PSMC1: variants seen among roughly 807,000 people sequenced by gnomAD.
PSMC1 encodes 26S proteasome regulatory subunit 4.
In PSMC1, 5 loss-of-function variants were observed where a neutral mutation model predicts 49.8. The ratio of observed to expected loss-of-function variants is 0.10; its 90% CI spans 0.05 to 0.21. PSMC1 has a LOEUF of 0.21. PSMC1 is among the 10% of genes least tolerant of loss of function. The probability of loss-of-function intolerance (pLI) is 1.00; values close to 1 mark genes in which losing one functional copy is unlikely to be tolerated. For missense variants in PSMC1, 181 were observed against 535.7 expected, an observed-to-expected ratio of 0.34 and a Z score of 6.54; for synonymous variants, 155 against 192.1, an observed-to-expected ratio of 0.81 and a Z score of 1.60.
intron 4 of PSMC1, 46 bp downstream of exon 4, chr14:90,263,488 C>T (rs369205963): frequency 6.6e-7 from 1 of 1,518,566 alleles, no homozygotes; most frequent in South Asian, 1.2e-5. Flanking sequence ...AAATTGAATT[C>T]TATAAAATTG....
Position 90,265,177 on chromosome 14 carries a change from T to G in PSMC1, c.691+11T>G. On this transcript the variant is annotated intron_variant, in intron 7 of 10. Transcript: ENST00000261303. ...GTCCACCTGGCACAGGTATGCTCTG[T>G]TTTTGACACTTTCCAGGCACCCAGC... is the stretch of plus-strand genomic sequence containing the variant. 1 of 1,583,314 alleles carries G rather than the reference T, an allele frequency of 6.3e-7. No individual in the cohort carries two copies. Among genetic ancestry groups the G allele is most frequent in the Non-Finnish European group, 8.6e-7 (1 of 1,156,214 alleles).
rs1891768392 is a variant in PSMC1 at position 90,274,840 on chromosome 14, C to CA, written c.*2433_*2434insA. 15 of 110,152 alleles carry CA rather than the reference C, an allele frequency of 1.4e-4. No homozygotes were observed. Among genetic ancestry groups the CA allele is most frequent in the African/African-American group, 4.5e-4 (13 of 28,680 alleles). The allele number at this position is 110,152 out of a possible 1,614,324, so 6.8% of individuals were successfully genotyped here. A position where few individuals can be genotyped will look rare whatever the true frequency, so the allele number is the denominator to read the frequency against. ...CACACACACACACACACACACACAC[C>CA]CCAATACATATGAATTGATCTGAAA... On this transcript the variant is annotated 3_prime_UTR_variant, in exon 11 of 11. Coordinates refer to ENST00000261303, the MANE Select transcript of PSMC1 (RefSeq NM_002802.3).
In PSMC1 at chr14:90,257,480, C is replaced by CAGAT. The variant is rs377140863; in HGVS notation, c.3+881_3+884dup. On this transcript the variant is annotated intron_variant, in intron 1 of 10. Coordinates refer to ENST00000261303, the MANE Select transcript of PSMC1 (RefSeq NM_002802.3). ...ACCGAAATTGAGGGAGTAACCCCTG[C>CAGAT]AGATGTCTGAGGGAAATGTGGTCAA... Among the ~76,000 whole-genome samples the CAGAT allele has an allele frequency of 6.6e-3, 1,004 of 152,234 alleles. 3 individuals carry two copies. Among genetic ancestry groups the CAGAT allele is most frequent in the Non-Finnish European group, 0.01 (698 of 68,010 alleles).
chr14:90,263,553 T>G (rs747218766), intron 4 of PSMC1, 109 bp from the exon 5 acceptor site: 5 of 1,464,778 alleles, frequency 3.4e-6, no homozygotes, highest in Non-Finnish European at 2.8e-6. Context: ...TCATGAGTAT[T>G]ATTAGCTGCC....
In PSMC1 at chr14:90,274,625, T is replaced by C. The variant is rs919470113; in HGVS notation, c.*2218T>C. On this transcript the variant is annotated 3_prime_UTR_variant, in exon 11 of 11. Coordinates refer to ENST00000261303, the MANE Select transcript of PSMC1 (RefSeq NM_002802.3). ...GGACAGGATGAACCCAAAGTCTGTT[T>C]TGCCAGAAAGCAAGGGAGTGCTCAA... is the stretch of plus-strand genomic sequence containing the variant. 1.3e-5 allele frequency: 2 copies of C among 152,158 alleles called. No homozygotes were observed. Among genetic ancestry groups the C allele is most frequent in the African/African-American group, 4.8e-5 (2 of 41,384 alleles). The allele number at this position is 152,158 out of a possible 1,614,324, so 9.4% of individuals were successfully genotyped here. A position where few individuals can be genotyped will look rare whatever the true frequency, so the allele number is the denominator to read the frequency against.
intron 8 of PSMC1, chr14:90,269,063 T>G (rs1051816064): frequency 5.4e-6 from 1 of 183,838 alleles, no homozygotes; most frequent in African/African-American, 2.4e-5. Flanking sequence ...GCATTTTTTA[T>G]AAGGAATACA....
intron 6 of PSMC1, 44 bp from the exon 7 acceptor site, chr14:90,265,026 C>A: frequency 1.4e-6 from 2 of 1,392,174 alleles, no homozygotes; most frequent in Non-Finnish European, 2.0e-6. Flanking sequence ...AGTAAATATG[C>A]TAATAATTTC....
intron 10 of PSMC1, chr14:90,270,657 C>T (rs1891637382): frequency 1.2e-5 from 3 of 243,604 alleles, no homozygotes; most frequent in Non-Finnish European, 1.6e-5. Flanking sequence ...AGTCCCAGGT[C>T]AGGGGAAGGG....
intron 9 of PSMC1, chr14:90,269,790 C>A: frequency 2.3e-6 from 1 of 434,310 alleles, no homozygotes; most frequent in Non-Finnish European, 4.0e-6. Context: ...ATAACATTCC[C>A]TTTTTAGCCT....
intron 8 of PSMC1, chr14:90,268,722 T>C (rs1891582850): frequency 3.7e-6 from 1 of 271,624 alleles, no homozygotes; most frequent in Non-Finnish European, 6.9e-6. Context: ...TCACAGGTTG[T>C]AGGGATCAGA....
chr14:90,266,267 A>C (rs1382864159), intron 7 of PSMC1, among the ~76,000 whole-genome samples: 2 of 151,108 alleles, frequency 1.3e-5, no homozygotes, highest in Non-Finnish European at 2.9e-5. Flanking sequence ...AAAAAAAACA[A>C]AAAAAACCCA....
chr14:90,257,337 T>A (rs561805127), intron 1 of PSMC1, among the ~76,000 whole-genome samples: 2 of 152,242 alleles, frequency 1.3e-5, no homozygotes, highest in African/African-American at 4.8e-5. Flanking sequence ...TGTAATATGA[T>A]GTCAGGGGTG....
intron 3 of PSMC1, 100 bp from the exon 4 acceptor site, chr14:90,263,218 A>G (rs532665547): frequency 3.2e-6 from 4 of 1,260,258 alleles, no homozygotes; most frequent in Admixed American, 2.8e-5. Flanking sequence ...TTCTGAAGCT[A>G]TCGCCAACAA....
chr14:90,270,221 T>C lies in PSMC1; in HGVS notation c.1057T>C (p.Phe353Leu), dbSNP rs764620445. The C allele has an allele frequency of 1.1e-5, 17 of 1,613,378 alleles. No individual in the cohort carries two copies. The East Asian group carries it at 2.5e-4, about 23-fold the overall frequency. ...AGGCCGCATTGACAGGAAGATTGAG[T>C]TCCCCCTGCCTGATGAAAAGACGAA... ...RPGRIDRKIEFPLPDEKTKKR... is the reference protein window; with the variant it reads ...RPGRIDRKIELPLPDEKTKKR... The change falls in exon 10 of 11, where the codon TTC (phenylalanine) becomes CTC (leucine). Residue 353 changes from phenylalanine to leucine, a missense_variant. By Grantham distance (22) the Phe-to-Leu change is conservative. This residue lies in a region of PSMC1 where 60 missense variants were observed against 155.5 expected (regional missense o/e 0.39). Coordinates refer to ENST00000261303, the MANE Select transcript of PSMC1 (RefSeq NM_002802.3).
At chr14:90,261,947 C>A (rs2139643916) in intron 3 of PSMC1, among the ~76,000 whole-genome samples, 1 of 152,040 alleles carries the variant, frequency 6.6e-6, no homozygotes, top group African/African-American at 2.4e-5. Context: ...GGCACATATA[C>A]ACCATGGAAT....
Position 90,272,512 on chromosome 14 carries a change from T to C in PSMC1, c.*105T>C. ...AGGAATCCCTGTTCCCACTGATTTT[T>C]ATTAGCAAAACATCCTGTGTCTTTT... On this transcript the variant is annotated 3_prime_UTR_variant, in exon 11 of 11. Transcript: ENST00000261303. This position sits in a 1 kb window ranked among gnomAD's most constrained non-coding sequence, Gnocchi z 4.5. 1 of 731,754 alleles carries C rather than the reference T, an allele frequency of 1.4e-6. No homozygotes were observed. The highest frequency in any genetic ancestry group is 2.2e-6 in the Non-Finnish European group (1 of 451,366). 45.3% of individuals were successfully genotyped at this position (731,754 alleles called of 1,614,324 possible).
intron 10 of PSMC1, 144 bp downstream of exon 10, chr14:90,270,496 A>G (rs2139652159): frequency 1.1e-6 from 1 of 905,672 alleles, no homozygotes; most frequent in Non-Finnish European, 1.6e-6. Flanking sequence ...ATTACATCCA[A>G]ATGGTATATG....
chr14:90,268,491 AG>A, intron 8 of PSMC1, 78 bp downstream of exon 8: 2 of 1,396,072 alleles, frequency 1.4e-6, no homozygotes, highest in Non-Finnish European at 2.0e-6. Context: ...GAGCAATCTC[AG>A]GGGGCTCTCC....
intron 9 of PSMC1, 58 bp from the exon 10 acceptor site, chr14:90,270,140 C>G: frequency 6.3e-7 from 1 of 1,586,874 alleles, no homozygotes; most frequent in Admixed American, 1.7e-5. Context: ...GGCCTCTGAG[C>G]CATGGCCGAG....
Sources: allele counts gnomAD v4.1 joint callset (sites outside exome capture counted in the v4.1 genomes callset), GRCh38; gene constraint gnomAD v4.1.1; regional missense constraint gnomAD v4.1.1; non-coding constraint Gnocchi (gnomAD v3.1); transcripts MANE v1.5; gene names NCBI Gene and HGNC (gene_info 2026-07-23, HGNC 2026-07-21).